The following CFTR variants were observed in gnomAD, a reference collection of about 807,000 sequenced individuals.
The protein encoded by CFTR is CF transmembrane conductance regulator.
CFTR carries 181 observed loss-of-function variants against 171.6 expected under a neutral mutation model. The ratio of observed to expected loss-of-function variants is 1.05; its 90% CI spans 0.93 to 1.19. The LOEUF (loss-of-function observed/expected upper bound fraction) is 1.19, where lower values mean the gene tolerates loss of function less well. Ranked by LOEUF, CFTR falls within the 50% of genes most tolerant of loss-of-function variation. The pLI is 0.00. For synonymous variants in CFTR, 583 were observed against 608.0 expected, an observed-to-expected ratio of 0.96 and a Z score of 0.60; for missense variants, 1,968 against 1,734.7, an observed-to-expected ratio of 1.13 and a Z score of -2.39.
At chr7:117,538,082 A>G (rs774928722) in intron 7 of CFTR, among the ~76,000 whole-genome samples, 48 of 152,186 alleles carry the variant, frequency 3.2e-4, no homozygotes, top group African/African-American at 1.1e-3. Flanking sequence ...TCTTTGATAT[A>G]TAGCGAATGT....
chr7:117,580,906 A>T (rs1791840033), intron 11 of CFTR, among the ~76,000 whole-genome samples: 1 of 152,144 alleles, frequency 6.6e-6, no homozygotes, highest in Non-Finnish European at 1.5e-5. Context: ...ATTTAAAGAT[A>T]TTCTTGTTTG....
At chr7:117,574,616 C>A (rs2115982708) in intron 11 of CFTR, among the ~76,000 whole-genome samples, 1 of 152,132 alleles carries the variant, frequency 6.6e-6, no homozygotes, top group Non-Finnish European at 1.5e-5. Flanking sequence ...TTCCTATTTT[C>A]TTAACTGCCT....
In CFTR at chr7:117,540,236, A is replaced by AG. The variant is rs397508138; in HGVS notation, c.1006_1007insG (p.Ile336SerfsTer28). 1.6e-5 allele frequency: 26 copies of AG among 1,614,076 alleles called. No individual in the cohort carries two copies. Among genetic ancestry groups the AG allele is most frequent in the Non-Finnish European group, 2.1e-5 (25 of 1,180,002 alleles). Reference sequence around the variant, plus strand: ...AATCAAAGGAATCATCCTCCGGAAAATATTCACCACCATCTCATTCTGCAT... The same window carrying AG: ...AATCAAAGGAATCATCCTCCGGAAAAGTATTCACCACCATCTCATTCTGCAT... On this transcript the variant is annotated frameshift_variant, in exon 8 of 27. Coordinates refer to ENST00000003084, the MANE Select transcript of CFTR (RefSeq NM_000492.4). LOFTEE classifies it high-confidence loss of function.
chr7:117,494,495 A>C (rs1454076598), intron 1 of CFTR, among the ~76,000 whole-genome samples: 1 of 152,146 alleles, frequency 6.6e-6, no homozygotes, highest in Admixed American at 6.6e-5. Flanking sequence ...TGTCACCTCC[A>C]TCTTTCAATA....
At chr7:117,663,906 G>A (rs1584848380) in intron 24 of CFTR, among the ~76,000 whole-genome samples, 1 of 151,582 alleles carries the variant, frequency 6.6e-6, no homozygotes, top group South Asian at 2.1e-4. Flanking sequence ...TATAGAATGG[G>A]TTTCTATATC....
chr7:117,642,663 C>G, intron 23 of CFTR, 70 bp downstream of exon 23: 1 of 1,496,862 alleles, frequency 6.7e-7, no homozygotes, highest in African/African-American at 1.4e-5. Flanking sequence ...GATACTTGTA[C>G]TCAAGAAATT....
chr7:117,577,265 G>T (rs982928737), intron 11 of CFTR, among the ~76,000 whole-genome samples: 3 of 152,104 alleles, frequency 2.0e-5, no homozygotes, highest in Admixed American at 6.6e-5. Context: ...TGAGGCTGAA[G>T]AAATAAGCTA....
chr7:117,570,568 A>G (rs2115971452), intron 11 of CFTR, among the ~76,000 whole-genome samples: 1 of 152,294 alleles, frequency 6.6e-6, no homozygotes, highest in South Asian at 2.1e-4. Context: ...AAAAAGAGGG[A>G]ATGTTTAAGA....
chr7:117,483,700 A>T (rs912458024), intron 1 of CFTR, among the ~76,000 whole-genome samples: 2 of 151,508 alleles, frequency 1.3e-5, no homozygotes, highest in Non-Finnish European at 2.9e-5. Context: ...CTGGGTCTTC[A>T]GGTGTACAGG....
intron 11 of CFTR, among the ~76,000 whole-genome samples, chr7:117,577,565 A>G (rs1791790653): frequency 6.6e-6 from 1 of 152,190 alleles, no homozygotes; most frequent in African/African-American, 2.4e-5. Flanking sequence ...GTTACATAAC[A>G]TAATAACCAT....
chr7:117,551,938 A>G (rs1255537531), intron 10 of CFTR, among the ~76,000 whole-genome samples: 2 of 151,972 alleles, frequency 1.3e-5, no homozygotes, highest in African/African-American at 4.8e-5. Flanking sequence ...AATAACTGGG[A>G]CTCATATGTA....
rs551183307 is a variant in CFTR, at chr7:117,616,848, A to T, written c.3468+2135A>T. ...GTGAGTGATTTCCCTGCCAAATAGC[A>T]CAAGTAGCCTTTCCTGGGTGTTTAT... On this transcript the variant is annotated intron_variant, in intron 21 of 26. Coordinates refer to ENST00000003084, the MANE Select transcript of CFTR (RefSeq NM_000492.4). Among the ~76,000 whole-genome samples the T allele has an allele frequency of 9.4e-4, 143 of 152,316 alleles. 4 individuals carry two copies. The South Asian group carries it at 0.027, about 29-fold the overall frequency.
intron 1 of CFTR, among the ~76,000 whole-genome samples, chr7:117,499,508 C>A (rs1023367646): frequency 1.4e-5 from 2 of 144,034 alleles, no homozygotes; most frequent in Non-Finnish European, 3.0e-5. Flanking sequence ...AATCTGAAAT[C>A]TCTTATAGTT....
chr7:117,584,724 A>T (rs761715373), intron 11 of CFTR, among the ~76,000 whole-genome samples: 1 of 151,838 alleles, frequency 6.6e-6, no homozygotes, highest in Non-Finnish European at 1.5e-5. Context: ...TGATATTTTG[A>T]TGGGAATTGT....
At chr7:117,646,119 T>C (rs1792992136) in intron 23 of CFTR, among the ~76,000 whole-genome samples, 1 of 152,176 alleles carries the variant, frequency 6.6e-6, no homozygotes, top group African/African-American at 2.4e-5. Flanking sequence ...GTGCCTCTGT[T>C]TTCTTGTCTG....
chr7:117,612,696 GGCCTCATGGAAC>G (rs1404178431), intron 20 of CFTR, among the ~76,000 whole-genome samples: 2 of 152,016 alleles, frequency 1.3e-5, no homozygotes, highest in East Asian at 3.9e-4. Context: ...GTTACAGAAA[GGCCTCATGGAAC>G]ACCGAGAAGG....
At chr7:117,631,296 TC>T (rs962695716) in intron 22 of CFTR, among the ~76,000 whole-genome samples, 8 of 151,808 alleles carry the variant, frequency 5.3e-5, no homozygotes, top group African/African-American at 1.5e-4. Flanking sequence ...GTTATATGTT[TC>T]CCCCCCTAGT....
Position 117,612,023 on chromosome 7 carries a change from GTATATATATATATA to G in CFTR, c.3367+232_3367+245del, listed in dbSNP as rs772661286. On this transcript the variant is annotated intron_variant, in intron 20 of 26. Transcript: ENST00000003084. The stretch of plus-strand genomic sequence containing the variant: ...TGAAATCGGATATATATATATATAT[GTATATATATATATA>G]TATATATATATATATACATATATAT... 1.7e-4 allele frequency among the ~76,000 whole-genome samples: 9 copies of G among 53,228 alleles called. No homozygotes were observed. The East Asian group carries it at 3.6e-3, about 21-fold the overall frequency. The allele number at this position is 53,228 out of a possible 152,430, so 34.9% of individuals were successfully genotyped here.
rs1554380828 is a variant in CFTR, at chr7:117,536,676, A to C, written c.869+3A>C. 1 of 1,609,600 alleles carries C rather than the reference A, an allele frequency of 6.2e-7. No individual in the cohort carries two copies. Among genetic ancestry groups the C allele is most frequent in the Non-Finnish European group, 8.5e-7 (1 of 1,177,958 alleles). On this transcript the variant is annotated splice_donor_region_variant and intron_variant, in intron 7 of 26. Coordinates refer to ENST00000003084, the MANE Select transcript of CFTR (RefSeq NM_000492.4). Reference sequence around the variant, plus strand: ...AAAATGATTGAAAACTTAAGACAGTAAGTTGTTCCAATAATTTCAATATTG... The same window carrying C: ...AAAATGATTGAAAACTTAAGACAGTCAGTTGTTCCAATAATTTCAATATTG...
Sources: gnomAD v4.1 joint callset for allele counts (sites outside exome capture counted in the v4.1 genomes callset) on GRCh38, gnomAD v4.1.1 for gene constraint, MANE v1.5 for transcripts, NCBI Gene and HGNC (gene_info 2026-07-23, HGNC 2026-07-21) for gene names.